PRKG1: variants seen among roughly 807,000 people sequenced by gnomAD.
The protein encoded by PRKG1 is protein kinase cGMP-dependent 1.
In PRKG1, 35 loss-of-function variants were observed where a neutral mutation model predicts 88.1. That is an observed-to-expected ratio of 0.40 (90% CI 0.30 to 0.53). The LOEUF (loss-of-function observed/expected upper bound fraction) is 0.53. Among genes scored for constraint, PRKG1 ranks in the 20% least tolerant of loss-of-function variants. The pLI, the probability that PRKG1 is intolerant of heterozygous loss-of-function variation, is 0.59. For missense variants in PRKG1, 540 were observed against 839.8 expected (o/e 0.64, Z 4.41); for synonymous variants, 303 against 292.5 (o/e 1.04, Z -0.37).
chr10:51,611,243 A>G (rs1388390078), intron 3 of PRKG1, among the ~76,000 whole-genome samples: 3 of 152,142 alleles, frequency 2.0e-5, no homozygotes, highest in African/African-American at 7.2e-5. Context: ...ATTCCCACCA[A>G]CAGTGTATAA....
intron 5 of PRKG1, among the ~76,000 whole-genome samples, chr10:52,034,482 G>A (rs1300064242): frequency 6.6e-6 from 1 of 151,784 alleles, no homozygotes; most frequent in South Asian, 2.1e-4. Context: ...GATGAATTGA[G>A]AAACTAAATG....
chr10:51,170,197 C>A (rs767948461), intron 2 of PRKG1, among the ~76,000 whole-genome samples: 1 of 151,950 alleles, frequency 6.6e-6, no homozygotes, highest in African/African-American at 2.4e-5. Flanking sequence ...GTATAAAAAT[C>A]GTTCCAGACA....
chr10:52,142,264 C>T (rs1837600609), intron 8 of PRKG1, among the ~76,000 whole-genome samples: 1 of 152,042 alleles, frequency 6.6e-6, no homozygotes, highest in Non-Finnish European at 1.5e-5. Context: ...TTCACCTACC[C>T]CACATTATTC....
intron 3 of PRKG1, among the ~76,000 whole-genome samples, chr10:51,635,046 A>G (rs1304538092): frequency 6.6e-6 from 1 of 152,114 alleles, no homozygotes; most frequent in African/African-American, 2.4e-5. Context: ...CATGACATGT[A>G]ATTTATGTAT....
intron 3 of PRKG1, among the ~76,000 whole-genome samples, chr10:51,614,168 C>T (rs766082794): frequency 2.6e-5 from 4 of 151,748 alleles, no homozygotes; most frequent in Non-Finnish European, 4.4e-5. Context: ...TCTAGGTGCT[C>T]TTGTGTTTGG....
chr10:52,068,038 A>G (rs1375399105), intron 7 of PRKG1, among the ~76,000 whole-genome samples: 1 of 137,724 alleles, frequency 7.3e-6, no homozygotes, highest in African/African-American at 2.6e-5. Context: ...CCCCGTCTCT[A>G]CTAAAAATAC....
chr10:51,050,518 T>C (rs910625114), intron 1 of PRKG1, among the ~76,000 whole-genome samples: 2 of 152,162 alleles, frequency 1.3e-5, no homozygotes, highest in African/African-American at 4.8e-5. Context: ...TAGATAATAT[T>C]CCATTGTATG....
chr10:51,079,133 C>T (rs1348160817), intron 1 of PRKG1, among the ~76,000 whole-genome samples: 3 of 152,176 alleles, frequency 2.0e-5, no homozygotes, highest in South Asian at 4.1e-4. Flanking sequence ...AAGTGCCCTA[C>T]ATCTCAGTTC....
At chr10:52,172,624 C>T (rs902206633) in intron 9 of PRKG1, among the ~76,000 whole-genome samples, 4 of 152,212 alleles carry the variant, frequency 2.6e-5, no homozygotes, top group Non-Finnish European at 5.9e-5. Flanking sequence ...ATAATTATCT[C>T]TATCTACAAT....
At chr10:52,240,069 C>T (rs1335903092) in intron 9 of PRKG1, among the ~76,000 whole-genome samples, 1 of 152,060 alleles carries the variant, frequency 6.6e-6, no homozygotes, top group East Asian at 1.9e-4. Flanking sequence ...GACACCTTTC[C>T]AAGGTAAAAG....
chr10:51,543,067 GCCCCTTTGGGGTCAACATCAA>G (rs1166063159), intron 3 of PRKG1, among the ~76,000 whole-genome samples: 3 of 152,150 alleles, frequency 2.0e-5, no homozygotes, highest in African/African-American at 7.2e-5. Flanking sequence ...CACTGTGCGG[GCCCCTTTGGGGTCAACATCAA>G]CCCCAGTGCA....
intron 2 of PRKG1, among the ~76,000 whole-genome samples, chr10:51,237,683 G>C (rs1303692056): frequency 1.3e-5 from 2 of 152,096 alleles, no homozygotes; most frequent in African/African-American, 4.8e-5. Context: ...AAAATGTTTT[G>C]ATAAAATGCT....
At chr10:52,237,920 T>C (rs904463060) in intron 9 of PRKG1, among the ~76,000 whole-genome samples, 30 of 140,528 alleles carry the variant, frequency 2.1e-4, no homozygotes, top group African/African-American at 7.5e-4. Context: ...CTTCAAACTA[T>C]ACTGCAAGGC....
At chr10:51,861,076 T>TA (rs532650971) in intron 4 of PRKG1, among the ~76,000 whole-genome samples, 168 of 151,534 alleles carry the variant, frequency 1.1e-3, no homozygotes, top group African/African-American at 3.3e-3. Context: ...TTTTATGAGA[T>TA]AAAAAAAAAG....
rs79957958 is a variant in PRKG1 at position 50,991,310 on chromosome 10, AGCCGCCGCCGCCGCCGCCGCC to A, written c.-56_-36del. ...GCTCTCCGCTGCCGGCTGCCGTCCC[AGCCGCCGCCGCCGCCGCCGCC>A]GCCGCCGCCGCCCGAGAAAAAGTTT... On this transcript the variant is annotated 5_prime_UTR_variant, in exon 1 of 18. Coordinates refer to the PRKG1 transcript ENST00000401604. The surrounding 1 kb of genome is among the most constrained non-coding windows in gnomAD (Gnocchi z 4.5). 1.4e-5 allele frequency: 20 copies of A among 1,397,026 alleles called. 1 individual carries two copies. Among genetic ancestry groups the A allele is most frequent in the Non-Finnish European group, 1.7e-5 (18 of 1,056,848 alleles). 86.5% of individuals were successfully genotyped at this position (1,397,026 alleles called of 1,614,324 possible).
At chr10:52,287,315 A>T (rs554779074) in intron 14 of PRKG1, among the ~76,000 whole-genome samples, 1 of 152,126 alleles carries the variant, frequency 6.6e-6, no homozygotes, top group Non-Finnish European at 1.5e-5. Context: ...TTTAAAATTG[A>T]TAGGCAATTA....
At chr10:51,598,595 C>G (rs1368979558) in intron 3 of PRKG1, among the ~76,000 whole-genome samples, 1 of 152,220 alleles carries the variant, frequency 6.6e-6, no homozygotes, top group Admixed American at 6.5e-5. Context: ...ATTAGTCACT[C>G]GATAGAAGTT....
chr10:51,659,513 T>C (rs547806124), intron 3 of PRKG1, among the ~76,000 whole-genome samples: 2 of 152,196 alleles, frequency 1.3e-5, no homozygotes, highest in African/African-American at 4.8e-5. Flanking sequence ...GTTATGATGA[T>C]GTGATGACTA....
chr10:51,674,767 T>A (rs1258678189), intron 3 of PRKG1, among the ~76,000 whole-genome samples: 1 of 152,200 alleles, frequency 6.6e-6, no homozygotes, highest in Non-Finnish European at 1.5e-5. Context: ...CTAGCATAGC[T>A]AAAATATAAT....
Sources: allele counts gnomAD v4.1 joint callset (sites outside exome capture counted in the v4.1 genomes callset), GRCh38; gene constraint gnomAD v4.1.1; non-coding constraint Gnocchi (gnomAD v3.1); transcripts MANE v1.5; gene names NCBI Gene and HGNC (gene_info 2026-07-23, HGNC 2026-07-21).